The following CASK variants were observed in gnomAD, a reference collection of about 807,000 sequenced individuals.
The protein encoded by CASK is calcium/calmodulin dependent serine protein kinase.
A neutral mutation model predicts 82.9 loss-of-function variants in CASK; 4 were observed. That is an observed-to-expected ratio of 0.05 (90% CI 0.02 to 0.11). CASK has a LOEUF of 0.11. CASK is among the 10% of genes least tolerant of loss of function. The probability of loss-of-function intolerance (pLI) is 1.00; values close to 1 mark genes in which losing one functional copy is unlikely to be tolerated. For synonymous variants in CASK, 259 were observed against 253.5 expected, an observed-to-expected ratio of 1.02 and a Z score of -0.20; for missense variants, 358 against 720.9, an observed-to-expected ratio of 0.50 and a Z score of 5.76.
chrX:41,743,990 A>G (rs1024416640), intron 4 of CASK, among the ~76,000 whole-genome samples: 1 of 109,171 alleles, frequency 9.2e-6, no homozygotes, highest in Non-Finnish European at 1.9e-5. Flanking sequence ...GCATCCTGTA[A>G]TCCCAGCTAC....
At chrX:41,822,006 G>A (rs1419947816) in intron 2 of CASK, among the ~76,000 whole-genome samples, 1 of 112,139 alleles carries the variant, frequency 8.9e-6, no homozygotes, top group African/African-American at 3.2e-5. Flanking sequence ...AGCCCCAGAA[G>A]CTGTGAGTAT....
chrX:41,686,395 C>A (rs1051867191), intron 5 of CASK, among the ~76,000 whole-genome samples: 1 of 106,270 alleles, frequency 9.4e-6, no homozygotes, highest in African/African-American at 3.4e-5. Context: ...CTGGCCTTTT[C>A]TTTCTTTCTT....
At chrX:41,671,384 G>A (rs2067195701) in intron 6 of CASK, 44 bp downstream of exon 6, 1 of 811,221 alleles carries the variant, frequency 1.2e-6, no homozygotes, top group South Asian at 2.1e-5. Flanking sequence ...CCAGTCGCAA[G>A]TGACCAGGTT....
chrX:41,724,169 A>G (rs1283094979), intron 5 of CASK: 1 of 112,674 alleles, frequency 8.9e-6, no homozygotes, highest in Non-Finnish European at 1.9e-5. Flanking sequence ...GGTGTCATGC[A>G]AGAATCTATT....
chrX:41,899,132 C>T (rs751350684), intron 1 of CASK, among the ~76,000 whole-genome samples: 24 of 111,181 alleles, frequency 2.2e-4, no homozygotes, highest in South Asian at 1.1e-3. Context: ...ATTGTTGTAT[C>T]GTCTGGATGA....
At chrX:41,909,590 T>C (rs2072525809) in intron 1 of CASK, among the ~76,000 whole-genome samples, 1 of 110,836 alleles carries the variant, frequency 9.0e-6, no homozygotes, top group African/African-American at 3.3e-5. Context: ...CAAAGAAAAG[T>C]CAACAAAGCC....
chrX:41,661,772 C>T (rs2067037867), intron 7 of CASK, among the ~76,000 whole-genome samples: 1 of 109,564 alleles, frequency 9.1e-6, no homozygotes, highest in South Asian at 4.0e-4. Context: ...TTATCATTAT[C>T]CAGCCGGGCA....
chrX:41,537,652 C>T (rs946270143), intron 22 of CASK, among the ~76,000 whole-genome samples: 1 of 110,208 alleles, frequency 9.1e-6, no homozygotes, highest in African/African-American at 3.3e-5. Context: ...CGACAATATC[C>T]TTATATAAAA....
At chrX:41,916,746 C>A (rs953936111) in intron 1 of CASK, among the ~76,000 whole-genome samples, 2 of 112,046 alleles carry the variant, frequency 1.8e-5, no homozygotes, top group African/African-American at 3.2e-5. Context: ...CCACTCCACC[C>A]CACTTCCAAC....
chrX:41,524,015 G>A lies in CASK; in HGVS notation c.2540C>T (p.Thr847Ile), dbSNP rs2064675122. 1.7e-6 allele frequency: 2 copies of A among 1,184,167 alleles called. No individual in the cohort carries two copies. The highest frequency in any genetic ancestry group is 2.2e-5 in the Admixed American group (1 of 45,231). The change falls in exon 26 of 27, where the codon ACT becomes ATT. Residue 847 changes from threonine (T) to isoleucine (I), a missense_variant. By Grantham distance (89) the Thr-to-Ile change is moderately conservative. Coordinates refer to ENST00000378163, the MANE Select transcript of CASK (RefSeq NM_001367721.1). The stretch of plus-strand genomic sequence containing the variant: ...AACAACAAAAGGAGCAAACTCTGCA[G>A]TTCTCAGGACCTTCAGTGCCTGTGT... ...VEPQALKVLRTAEFAPFVVFI... is the reference protein window; with the variant it reads ...VEPQALKVLRIAEFAPFVVFI...
intron 5 of CASK, chrX:41,727,631 C>T: frequency 8.3e-7 from 1 of 1,208,921 alleles, no homozygotes; most frequent in Non-Finnish European, 1.1e-6. Context: ...TCTCAGATTG[C>T]AGGTCTCATT....
chrX:41,617,051 G>C (rs1293815285), intron 11 of CASK, among the ~76,000 whole-genome samples: 1 of 112,215 alleles, frequency 8.9e-6, no homozygotes, highest in African/African-American at 3.2e-5. Flanking sequence ...GAAGTAAACG[G>C]TATAGAAGAG....
intron 5 of CASK, among the ~76,000 whole-genome samples, chrX:41,717,161 G>A (rs1434873964): frequency 1.8e-5 from 2 of 111,680 alleles, no homozygotes; most frequent in African/African-American, 6.5e-5. Flanking sequence ...CCATCCAATG[G>A]AGACAGGACA....
intron 1 of CASK, among the ~76,000 whole-genome samples, chrX:41,904,348 G>C (rs1328568673): frequency 9.0e-6 from 1 of 111,366 alleles, no homozygotes; most frequent in Non-Finnish European, 1.9e-5. Context: ...GGACATAAGA[G>C]TAACATACAA....
At chrX:41,773,124 C>T (rs1292003600) in intron 3 of CASK, among the ~76,000 whole-genome samples, 2 of 110,451 alleles carry the variant, frequency 1.8e-5, no homozygotes, top group African/African-American at 6.6e-5. Flanking sequence ...GTGGTTCATA[C>T]CTATAATCCC....
chrX:41,600,567 G>A (rs1318002053), intron 12 of CASK, among the ~76,000 whole-genome samples: 1 of 112,245 alleles, frequency 8.9e-6, no homozygotes, highest in Non-Finnish European at 1.9e-5. Context: ...CACTGATACT[G>A]GTGACAAGCT....
intron 5 of CASK, among the ~76,000 whole-genome samples, chrX:41,701,485 C>T (rs943211026): frequency 1.1e-4 from 12 of 111,974 alleles, no homozygotes; most frequent in African/African-American, 2.6e-4. Flanking sequence ...TATTTTTAAT[C>T]GGAAGAAAAG....
chrX:41,640,944 A>G (rs1264863499), intron 8 of CASK, among the ~76,000 whole-genome samples: 2 of 108,510 alleles, frequency 1.8e-5, no homozygotes, highest in African/African-American at 6.7e-5. Context: ...TAAAATCACA[A>G]GATTTAAAAA....
intron 2 of CASK, among the ~76,000 whole-genome samples, chrX:41,792,777 A>C (rs1369213097): frequency 8.9e-6 from 1 of 112,006 alleles, no homozygotes; most frequent in Non-Finnish European, 1.9e-5. Context: ...AAAATTAATA[A>C]AATAAGTTAC....
Sources: gnomAD v4.1 joint callset for allele counts (sites outside exome capture counted in the v4.1 genomes callset) on GRCh38, gnomAD v4.1.1 for gene constraint, MANE v1.5 for transcripts, NCBI Gene and HGNC (gene_info 2026-07-23, HGNC 2026-07-21) for gene names.